Variants in PPP2R3A observed in about 807,000 individuals in gnomAD.
PPP2R3A encodes protein phosphatase 2 regulatory subunit B''alpha.
In PPP2R3A, 80 loss-of-function variants were observed where a neutral mutation model predicts 106.9. The ratio of observed to expected loss-of-function variants is 0.75; its 90% CI spans 0.62 to 0.90. The LOEUF is 0.90. Among genes scored for constraint, PPP2R3A ranks in the 40% least tolerant of loss-of-function variants. PPP2R3A has a pLI of 0.00. For synonymous variants in PPP2R3A, 483 were observed against 468.3 expected, an observed-to-expected ratio of 1.03 and a Z score of -0.41; for missense variants, 1,386 against 1,350.4, an observed-to-expected ratio of 1.03 and a Z score of -0.41.
At chr3:135,997,969 T>C (rs1933467501) in intron 1 of PPP2R3A, among the ~76,000 whole-genome samples, 1 of 152,224 alleles carries the variant, frequency 6.6e-6, no homozygotes, top group Admixed American at 6.5e-5. Flanking sequence ...ATCGTGTTAC[T>C]CTTACTCTCT....
rs983791713 is a variant in PPP2R3A at position 136,111,424 on chromosome 3, G to C, written c.3329+5102G>C. Among the ~76,000 whole-genome samples, 4 of 152,098 alleles carry C rather than the reference G, an allele frequency of 2.6e-5. No individual in the cohort carries two copies. In the East Asian group the frequency reaches 7.7e-4, roughly 29 times the overall value. ...AAAAGGTTATTAACTGAAAAAAATT[G>C]AGTAAAAACTCAAACTACTTGAAAG... On this transcript the variant is annotated intron_variant, in intron 13 of 13. Coordinates refer to ENST00000264977, the MANE Select transcript of PPP2R3A (RefSeq NM_002718.5).
At chr3:136,031,605 A>G (rs1052366012) in intron 3 of PPP2R3A, among the ~76,000 whole-genome samples, 7 of 152,124 alleles carry the variant, frequency 4.6e-5, no homozygotes, top group Admixed American at 4.6e-4. Flanking sequence ...GGGTTTTCCC[A>G]TTGTTATCTT....
rs748865722 is a variant in PPP2R3A at position 136,002,307 on chromosome 3, C to A, written c.809C>A (p.Thr270Lys). 7 of 1,613,548 alleles carry A rather than the reference C, an allele frequency of 4.3e-6. No individual in the cohort carries two copies. Among genetic ancestry groups the A allele is most frequent in the Non-Finnish European group, 5.1e-6 (6 of 1,179,612 alleles). Residue 270 changes from threonine to lysine, a missense_variant, in exon 2 of 14, where the codon ACA (threonine) becomes AAA (lysine). Transcript: ENST00000264977. ...SSISEGSGND[T>K]ISSSETVYMN... ...ATCAGTGAAGGAAGTGGTAATGATA[C>A]AATTTCTAGCTCTGAAACTGTCTAT...
intron 2 of PPP2R3A, among the ~76,000 whole-genome samples, chr3:136,021,518 C>T (rs889773869): frequency 1.1e-4 from 17 of 152,012 alleles, no homozygotes; most frequent in Non-Finnish European, 2.1e-4. Context: ...TGGGAAAAAG[C>T]AGACTTAAAT....
rs188758874 is a variant in PPP2R3A at position 136,079,075 on chromosome 3, T to C, written c.2631+622T>C. On this transcript the variant is annotated intron_variant, in intron 7 of 13. Coordinates refer to ENST00000264977, the MANE Select transcript of PPP2R3A (RefSeq NM_002718.5). The stretch of plus-strand genomic sequence containing the variant: ...AAATGAAATGTTTTATTTTTAAGAA[T>C]CATACTAAATGGAATTTAGGCTAAT... The C allele has an allele frequency of 2.4e-3, 884 of 367,742 alleles. 4 individuals are homozygous for C. The highest frequency in any genetic ancestry group is 4.2e-3 in the Middle Eastern group (6 of 1,432). 22.8% of individuals were successfully genotyped at this position (367,742 alleles called of 1,614,324 possible). A position where few individuals can be genotyped will look rare whatever the true frequency, so the allele number is the denominator to read the frequency against.
intron 10 of PPP2R3A, among the ~76,000 whole-genome samples, chr3:136,101,233 G>A (rs1457860507): frequency 6.6e-6 from 1 of 152,154 alleles, no homozygotes; most frequent in Non-Finnish European, 1.5e-5. Flanking sequence ...GGTTGAATTA[G>A]TAGCAAGTAC....
chr3:135,967,881 T>A (rs1200370750), intron 1 of PPP2R3A, among the ~76,000 whole-genome samples: 1 of 152,234 alleles, frequency 6.6e-6, no homozygotes, highest in Non-Finnish European at 1.5e-5. Context: ...AGGGCTATCA[T>A]GTGCAGCGTA....
In PPP2R3A at chr3:136,129,529, C is replaced by T. The variant is rs139275364; in HGVS notation, c.3330-15514C>T. On this transcript the variant is annotated intron_variant, in intron 13 of 13. Transcript: ENST00000264977. ...CTGAAATTGAGGCAATAATTAATAG[C>T]CCACCAACCAAAAAAAGTCCAGGAC... Among the ~76,000 whole-genome samples the T allele has an allele frequency of 6.4e-3, 976 of 152,188 alleles. 10 individuals are homozygous for T. The highest frequency in any genetic ancestry group is 0.023 in the African/African-American group (947 of 41,526).
intron 8 of PPP2R3A, among the ~76,000 whole-genome samples, chr3:136,086,538 A>G (rs1344409021): frequency 6.6e-6 from 1 of 152,182 alleles, no homozygotes; most frequent in Non-Finnish European, 1.5e-5. Context: ...AACATAGAAT[A>G]ACATGATCTT....
intron 4 of PPP2R3A, 146 bp from the exon 5 acceptor site, chr3:136,049,113 C>T: frequency 3.2e-6 from 2 of 632,468 alleles, no homozygotes; most frequent in Non-Finnish European, 5.5e-6. Context: ...GCTCATCATT[C>T]TAAAACATCC....
In PPP2R3A at chr3:136,106,289, C is replaced by T. The variant is rs1937515254; in HGVS notation, c.3296C>T (p.Ala1099Val). ...GCTGAGGAGTATGAGACGCTTGTTG[C>T]AGAGGAATCTGCCCAAGCACAATTC... ...FAAEEYETLV[A>V]EESAQAQFQE... is the part of the protein sequence containing the mutation. Residue 1099 changes from alanine (A) to valine (V), a missense_variant, in exon 13 of 14, where the codon GCA (alanine) becomes GTA (valine). By Grantham distance (64) the Ala-to-Val change is moderately conservative. Transcript: ENST00000264977. 6.2e-7 allele frequency: 1 copy of T among 1,613,856 alleles called. No individual in the cohort carries two copies. Among genetic ancestry groups the T allele is most frequent in the Non-Finnish European group, 8.5e-7 (1 of 1,179,914 alleles).
chr3:136,086,888 A>C (rs531284819), intron 8 of PPP2R3A, among the ~76,000 whole-genome samples: 1 of 152,128 alleles, frequency 6.6e-6, no homozygotes, highest in Non-Finnish European at 1.5e-5. Flanking sequence ...TTTAGTGTGC[A>C]TGCCATTGCC....
chr3:136,057,077 C>T (rs1052012461), intron 5 of PPP2R3A, among the ~76,000 whole-genome samples: 2 of 151,022 alleles, frequency 1.3e-5, no homozygotes, highest in African/African-American at 4.9e-5. Flanking sequence ...GGACCCCCCC[C>T]ACACACACCG....
intron 3 of PPP2R3A, among the ~76,000 whole-genome samples, chr3:136,028,489 C>A (rs1265653139): frequency 1.3e-5 from 2 of 152,202 alleles, no homozygotes; most frequent in Non-Finnish European, 2.9e-5. Context: ...AAGTACTTAC[C>A]TGAAGTCACA....
intron 3 of PPP2R3A, among the ~76,000 whole-genome samples, chr3:136,037,190 TC>T (rs1481694027): frequency 6.6e-6 from 1 of 152,246 alleles, no homozygotes; most frequent in Non-Finnish European, 1.5e-5. Context: ...CCTAGAAAAC[TC>T]TGTGTTTATG....
chr3:136,016,616 A>G (rs1934277990), intron 2 of PPP2R3A, among the ~76,000 whole-genome samples: 1 of 151,998 alleles, frequency 6.6e-6, no homozygotes. Flanking sequence ...GTTTTATCTG[A>G]TATAAGAATA....
In PPP2R3A at chr3:136,006,229, T is replaced by C. The variant is rs530538590; in HGVS notation, c.1995+2736T>C. Among the ~76,000 whole-genome samples the C allele has an allele frequency of 5.6e-4, 85 of 152,272 alleles. 2 individuals carry two copies. The South Asian group carries it at 0.017, about 31-fold the overall frequency. The stretch of plus-strand genomic sequence containing the variant: ...TCAATATCACAGAATATAATAAAAT[T>C]TGATGAGATTTCTTCTTGATAAAAG... On this transcript the variant is annotated intron_variant, in intron 2 of 13. Coordinates refer to ENST00000264977, the MANE Select transcript of PPP2R3A (RefSeq NM_002718.5).
chr3:136,043,095 A>T (rs1935343403), intron 4 of PPP2R3A, among the ~76,000 whole-genome samples: 1 of 152,048 alleles, frequency 6.6e-6, no homozygotes, highest in Non-Finnish European at 1.5e-5. Context: ...AAATACATAT[A>T]TATGCTGATT....
intron 2 of PPP2R3A, among the ~76,000 whole-genome samples, chr3:136,018,772 C>A (rs1274836829): frequency 6.6e-6 from 1 of 152,152 alleles, no homozygotes; most frequent in Non-Finnish European, 1.5e-5. Flanking sequence ...TTTTTAGGGT[C>A]ATAGTGGAGA....
Sources: allele counts gnomAD v4.1 joint callset (sites outside exome capture counted in the v4.1 genomes callset), GRCh38; gene constraint gnomAD v4.1.1; transcripts MANE v1.5; gene names NCBI Gene and HGNC (gene_info 2026-07-23, HGNC 2026-07-21).